Variants in TAFA4 observed in about 807,000 individuals in gnomAD.
TAFA4 encodes the protein chemokine-like protein TAFA-4.
TAFA4 carries 20 observed loss-of-function variants against 21.1 expected under a neutral mutation model. The ratio of observed to expected loss-of-function variants is 0.95; its 90% CI spans 0.67 to 1.38. The LOEUF (loss-of-function observed/expected upper bound fraction) is 1.38. Among genes scored for constraint, TAFA4 ranks in the 40% most tolerant of loss-of-function variants. TAFA4 has a pLI of 0.00. For synonymous variants in TAFA4, 71 were observed against 67.4 expected, an observed-to-expected ratio of 1.05 and a Z score of -0.26; for missense variants, 211 against 180.9, an observed-to-expected ratio of 1.17 and a Z score of -0.95.
At chr3:68,814,319 C>A (rs1356228412) in intron 3 of TAFA4, among the ~76,000 whole-genome samples, 4 of 152,074 alleles carry the variant, frequency 2.6e-5, no homozygotes, top group African/African-American at 7.2e-5. Context: ...CTGGCCAGGG[C>A]AATCAGGCAG....
intron 3 of TAFA4, among the ~76,000 whole-genome samples, chr3:68,803,631 C>T (rs1362273305): frequency 6.6e-6 from 1 of 151,388 alleles, no homozygotes; most frequent in African/African-American, 2.4e-5. Context: ...AGTGGTGAAA[C>T]TGAAGTTTTG....
intron 5 of TAFA4, among the ~76,000 whole-genome samples, chr3:68,737,536 G>A (rs1300363855): frequency 1.3e-5 from 2 of 152,144 alleles, no homozygotes; most frequent in Non-Finnish European, 2.9e-5. Flanking sequence ...GTTTTACCTA[G>A]AGAATCAACC....
chr3:68,809,542 C>T (rs7628493), intron 3 of TAFA4, among the ~76,000 whole-genome samples: 94,876 of 140,944 alleles, frequency 0.67, 32,077 homozygotes, highest in East Asian at 0.98. Flanking sequence ...TTTTTTTTGC[C>T]GTGCAGAAGT....
At chr3:68,738,712 G>A (rs543106160) in intron 5 of TAFA4, among the ~76,000 whole-genome samples, 32 of 152,282 alleles carry the variant, frequency 2.1e-4, no homozygotes, top group Non-Finnish European at 3.7e-4. Flanking sequence ...CTCCTTTAAA[G>A]CAATAGGTAT....
chr3:68,774,591 A>G (rs951874837), intron 3 of TAFA4, among the ~76,000 whole-genome samples: 1 of 152,252 alleles, frequency 6.6e-6, no homozygotes, highest in African/African-American at 2.4e-5. Flanking sequence ...GCAAAGATCA[A>G]TTAATCAACA....
chr3:68,745,804 A>T (rs766891609), intron 4 of TAFA4, among the ~76,000 whole-genome samples: 4 of 152,336 alleles, frequency 2.6e-5, no homozygotes, highest in South Asian at 4.1e-4. Flanking sequence ...CTCACTTTTC[A>T]TGAGTTGGAT....
At chr3:68,767,412 T>C (rs1273510251) in intron 3 of TAFA4, among the ~76,000 whole-genome samples, 1 of 151,888 alleles carries the variant, frequency 6.6e-6, no homozygotes, top group Non-Finnish European at 1.5e-5. Context: ...GGAAATTTCA[T>C]AAAATGCATA....
chr3:68,771,749 T>G lies in TAFA4; in HGVS notation c.131-18731A>C, dbSNP rs542474316. ...TGAAGACCACTAACCACACAACGCC[T>G]TTCTAGAATATTCTAACAGAATGCC... On this transcript the variant is annotated intron_variant, in intron 3 of 5. Transcript: ENST00000295569. Among the ~76,000 whole-genome samples the G allele has an allele frequency of 2.8e-4, 42 of 152,292 alleles. 1 individual carries two copies. The South Asian group carries it at 6.8e-3, about 25-fold the overall frequency.
At chr3:68,916,709 G>A (rs1351146777) in intron 1 of TAFA4, among the ~76,000 whole-genome samples, 1 of 152,120 alleles carries the variant, frequency 6.6e-6, no homozygotes, top group Non-Finnish European at 1.5e-5. Context: ...GAATCACCAG[G>A]GCCTCAGGCA....
chr3:68,744,804 CTCTTATGA>C (rs1702424277), intron 4 of TAFA4, among the ~76,000 whole-genome samples: 1 of 152,168 alleles, frequency 6.6e-6, no homozygotes, highest in Non-Finnish European at 1.5e-5. Flanking sequence ...CAAGACAGAA[CTCTTATGA>C]GATTATCTAC....
chr3:68,816,744 A>C (rs887669128), intron 3 of TAFA4, among the ~76,000 whole-genome samples: 1 of 152,110 alleles, frequency 6.6e-6, no homozygotes, highest in Non-Finnish European at 1.5e-5. Context: ...GAATAGAGCA[A>C]ATGTTGCAAG....
chr3:68,914,285 T>C (rs1009315198), intron 1 of TAFA4, among the ~76,000 whole-genome samples: 6 of 152,152 alleles, frequency 3.9e-5, no homozygotes, highest in Admixed American at 1.3e-4. Flanking sequence ...TAAGAAGCTG[T>C]CAAAGAGAAA....
intron 3 of TAFA4, among the ~76,000 whole-genome samples, chr3:68,811,173 G>T (rs776872080): frequency 2.0e-5 from 3 of 152,080 alleles, no homozygotes; most frequent in South Asian, 2.1e-4. Context: ...CCCATCTGTC[G>T]GTCACCATCA....
intron 3 of TAFA4, among the ~76,000 whole-genome samples, chr3:68,838,105 T>A (rs1038103706): frequency 6.6e-6 from 1 of 152,148 alleles, no homozygotes; most frequent in Non-Finnish European, 1.5e-5. Context: ...GTTAATATAG[T>A]CACAACTATG....
chr3:68,771,362 C>T lies in TAFA4; in HGVS notation c.131-18344G>A, dbSNP rs566137793. On this transcript the variant is annotated intron_variant, in intron 3 of 5. Transcript: ENST00000295569. ...ACATCCACTGGGGCTTCGGGAATCGCAGACATGACACCCCTAGACACTGCC... is the reference window on the plus strand; with the variant it reads ...ACATCCACTGGGGCTTCGGGAATCGTAGACATGACACCCCTAGACACTGCC... 2.0e-5 allele frequency among the ~76,000 whole-genome samples: 3 copies of T among 152,328 alleles called. No homozygotes were observed. The South Asian group carries it at 6.2e-4, about 32-fold the overall frequency.
chr3:68,930,365 G>T (rs976485765), intron 1 of TAFA4, among the ~76,000 whole-genome samples: 3 of 152,164 alleles, frequency 2.0e-5, no homozygotes, highest in Non-Finnish European at 4.4e-5. Context: ...CAAAGATAGA[G>T]AAATTGGCAG....
chr3:68,826,610 T>G (rs1231169407), intron 3 of TAFA4, among the ~76,000 whole-genome samples: 2 of 151,326 alleles, frequency 1.3e-5, no homozygotes, highest in African/African-American at 4.9e-5. Context: ...AGAAAGATAT[T>G]ATGCAAAATA....
At chr3:68,839,054 T>C (rs1704592219) in intron 3 of TAFA4, among the ~76,000 whole-genome samples, 1 of 152,158 alleles carries the variant, frequency 6.6e-6, no homozygotes, top group Non-Finnish European at 1.5e-5. Flanking sequence ...GCCATGATTA[T>C]GCCACTGCAC....
At chr3:68,849,834 A>G (rs1273374597) in intron 3 of TAFA4, among the ~76,000 whole-genome samples, 1 of 152,210 alleles carries the variant, frequency 6.6e-6, no homozygotes, top group African/African-American at 2.4e-5. Context: ...CTGAAAATTC[A>G]TTCAACTTCA....
Sources: gnomAD v4.1 joint callset for allele counts (sites outside exome capture counted in the v4.1 genomes callset) on GRCh38, gnomAD v4.1.1 for gene constraint, MANE v1.5 for transcripts, NCBI Gene and HGNC (gene_info 2026-07-23, HGNC 2026-07-21) for gene names.